Variants in PTPN4 observed in about 807,000 individuals in gnomAD.
PTPN4 encodes tyrosine-protein phosphatase non-receptor type 4.
PTPN4 carries 49 observed loss-of-function variants against 135.5 expected under a neutral mutation model. The observed-to-expected ratio is 0.36, with a 90% CI of 0.29 to 0.46. The LOEUF (loss-of-function observed/expected upper bound fraction) is 0.46, where lower values mean the gene tolerates loss of function less well. PTPN4 is among the 20% of genes least tolerant of loss of function. The pLI, the probability that PTPN4 is intolerant of heterozygous loss-of-function variation, is 1.00. For missense variants in PTPN4, 860 were observed against 1,101.0 expected (o/e 0.78, Z 3.10); for synonymous variants, 333 against 369.9 (o/e 0.90, Z 1.14).
chr2:119,970,831 T>G (rs758402415), intron 26 of PTPN4, among the ~76,000 whole-genome samples: 2 of 152,250 alleles, frequency 1.3e-5, no homozygotes, highest in Non-Finnish European at 2.9e-5. Context: ...AATTGCCAGG[T>G]CATGTTTTCA....
chr2:119,969,200 A>T (rs1479185901), intron 26 of PTPN4, among the ~76,000 whole-genome samples: 1 of 151,860 alleles, frequency 6.6e-6, no homozygotes, highest in Non-Finnish European at 1.5e-5. Flanking sequence ...TTTTGTAGAG[A>T]GGGGATCTCA....
rs528299346 is a variant in PTPN4, at chr2:119,954,843, C to A, written c.1814-314C>A. On this transcript the variant is annotated intron_variant, in intron 19 of 26. Coordinates refer to ENST00000263708, the MANE Select transcript of PTPN4 (RefSeq NM_002830.4). Reference sequence around the variant, plus strand: ...CTCTATTTGTACTCTTGCCCTAGGTCCCCTACAAATTAAGAGCGGGTGTAT... The same window carrying A: ...CTCTATTTGTACTCTTGCCCTAGGTACCCTACAAATTAAGAGCGGGTGTAT... 1.5e-4 allele frequency among the ~76,000 whole-genome samples: 23 copies of A among 152,260 alleles called. No homozygotes were observed. The South Asian group carries it at 2.3e-3, about 15-fold the overall frequency.
At chr2:119,970,456 C>G (rs1024860079) in intron 26 of PTPN4, among the ~76,000 whole-genome samples, 5 of 152,098 alleles carry the variant, frequency 3.3e-5, no homozygotes, top group Admixed American at 3.3e-4. Flanking sequence ...CATACCCTCT[C>G]TAACCTCCCC....
At chr2:119,968,786 A>G (rs1188447700) in intron 26 of PTPN4, among the ~76,000 whole-genome samples, 1 of 152,144 alleles carries the variant, frequency 6.6e-6, no homozygotes, top group Non-Finnish European at 1.5e-5. Flanking sequence ...AGTGCGACTC[A>G]GTCTCAAAAA....
At chr2:119,840,260 C>T (rs1369233105) in intron 2 of PTPN4, among the ~76,000 whole-genome samples, 1 of 152,186 alleles carries the variant, frequency 6.6e-6, no homozygotes, top group Non-Finnish European at 1.5e-5. Context: ...TCTCCTTCCT[C>T]CCACCTCCCA....
chr2:119,844,410 C>T, intron 2 of PTPN4, among the ~76,000 whole-genome samples: 1 of 149,890 alleles, frequency 6.7e-6, no homozygotes, highest in Non-Finnish European at 1.5e-5. Flanking sequence ...CTCCTCACTT[C>T]CCAGATGGGG....
At chr2:119,973,313 C>T (rs899503466) in intron 26 of PTPN4, among the ~76,000 whole-genome samples, 3 of 152,112 alleles carry the variant, frequency 2.0e-5, no homozygotes, top group Admixed American at 6.5e-5. Flanking sequence ...CAAGATTCAT[C>T]CAAGTTGTAG....
At chr2:119,870,584 A>G (rs1469335283) in intron 3 of PTPN4, among the ~76,000 whole-genome samples, 1 of 152,220 alleles carries the variant, frequency 6.6e-6, no homozygotes, top group Non-Finnish European at 1.5e-5. Context: ...AAAATGGAAT[A>G]TGATGACATA....
At chr2:119,919,642 G>A (rs909151895) in intron 11 of PTPN4, among the ~76,000 whole-genome samples, 1 of 152,054 alleles carries the variant, frequency 6.6e-6, no homozygotes, top group African/African-American at 2.4e-5. Context: ...GGCCACCATG[G>A]TGAAACCCCG....
chr2:119,918,422 C>T (rs1678688904), intron 11 of PTPN4, among the ~76,000 whole-genome samples: 1 of 152,130 alleles, frequency 6.6e-6, no homozygotes, highest in South Asian at 2.1e-4. Context: ...ATATAATACA[C>T]ACAGAATCCT....
chr2:119,901,303 C>A (rs748139917), intron 10 of PTPN4, among the ~76,000 whole-genome samples: 1 of 152,218 alleles, frequency 6.6e-6, no homozygotes, highest in South Asian at 2.1e-4. Flanking sequence ...CTGTCCCACA[C>A]CTTACTGCCA....
chr2:119,862,515 A>C lies in PTPN4; in HGVS notation c.139-21A>C, dbSNP rs1018225318. The C allele has an allele frequency of 7.1e-6, 10 of 1,399,818 alleles. No homozygotes were observed. In the African/African-American group the frequency reaches 1.1e-4, roughly 16 times the overall value. The allele number at this position is 1,399,818 out of a possible 1,614,324, so 86.7% of individuals were successfully genotyped here. ...TAACCTATCAAAGTTGATTTCATTC[A>C]ATTTTTTTTTTTTTTTACAGAAACA... On this transcript the variant is annotated intron_variant, in intron 2 of 26. Coordinates refer to ENST00000263708, the MANE Select transcript of PTPN4 (RefSeq NM_002830.4).
At chr2:119,973,028 C>T (rs893364250) in intron 26 of PTPN4, among the ~76,000 whole-genome samples, 2 of 152,028 alleles carry the variant, frequency 1.3e-5, no homozygotes, top group African/African-American at 4.8e-5. Flanking sequence ...GCAAAATACA[C>T]ATAACATAAA....
intron 26 of PTPN4, among the ~76,000 whole-genome samples, chr2:119,975,310 C>G (rs1679599007): frequency 6.6e-6 from 1 of 152,110 alleles, no homozygotes; most frequent in Admixed American, 6.5e-5. Context: ...GACACAGGGT[C>G]TTGCTGTGTT....
At chr2:119,902,169 A>C (rs997748670) in intron 10 of PTPN4, among the ~76,000 whole-genome samples, 2 of 152,252 alleles carry the variant, frequency 1.3e-5, no homozygotes, top group Non-Finnish European at 2.9e-5. Flanking sequence ...AATCTTTTAA[A>C]AAGCAAAGCA....
intron 1 of PTPN4, among the ~76,000 whole-genome samples, chr2:119,780,846 T>C (rs1690924635): frequency 6.6e-6 from 1 of 152,194 alleles, no homozygotes; most frequent in Non-Finnish European, 1.5e-5. Flanking sequence ...ACCCAACAAC[T>C]CTCACCCAGT....
chr2:119,764,206 A>G (rs964461700), intron 1 of PTPN4, among the ~76,000 whole-genome samples: 9 of 152,162 alleles, frequency 5.9e-5, no homozygotes, highest in South Asian at 4.1e-4. Flanking sequence ...CACCTCCCCA[A>G]CTGTTCGGCA....
chr2:119,976,219 G>C (rs965872708), intron 26 of PTPN4, among the ~76,000 whole-genome samples: 1 of 151,772 alleles, frequency 6.6e-6, no homozygotes, highest in African/African-American at 2.4e-5. Flanking sequence ...GGATGGTCTC[G>C]ATCTCCTGAC....
At chr2:119,809,278 T>C (rs998807958) in intron 1 of PTPN4, among the ~76,000 whole-genome samples, 5 of 151,942 alleles carry the variant, frequency 3.3e-5, no homozygotes, top group African/African-American at 9.7e-5. Flanking sequence ...GAAGCAAAGA[T>C]TGGTCACCAT....
Sources: gnomAD v4.1 joint callset for allele counts (sites outside exome capture counted in the v4.1 genomes callset) on GRCh38, gnomAD v4.1.1 for gene constraint, MANE v1.5 for transcripts, NCBI Gene and HGNC (gene_info 2026-07-23, HGNC 2026-07-21) for gene names.